The following HS3ST2 variants were observed in gnomAD, a reference collection of about 807,000 sequenced individuals.
HS3ST2 encodes heparan sulfate glucosamine 3-O-sulfotransferase 2.
In HS3ST2, 17 loss-of-function variants were observed where a neutral mutation model predicts 26.3. The ratio of observed to expected loss-of-function variants is 0.65; its 90% CI spans 0.44 to 0.97. The LOEUF (loss-of-function observed/expected upper bound fraction) is 0.97. Among genes scored for constraint, HS3ST2 ranks in the 50% least tolerant of loss-of-function variants. The pLI, the probability that HS3ST2 is intolerant of heterozygous loss-of-function variation, is 0.00. For synonymous variants in HS3ST2, 237 were observed against 219.2 expected (o/e 1.08, Z -0.72); for missense variants, 402 against 501.2 (o/e 0.80, Z 1.89).
chr16:22,898,231 A>C (rs1459409331), intron 1 of HS3ST2, among the ~76,000 whole-genome samples: 1 of 152,238 alleles, frequency 6.6e-6, no homozygotes, highest in African/African-American at 2.4e-5. Flanking sequence ...TTCACAGACT[A>C]ACTAGGGGGA....
At chr16:22,826,743 A>T (rs1473500364) in intron 1 of HS3ST2, among the ~76,000 whole-genome samples, 2 of 152,176 alleles carry the variant, frequency 1.3e-5, no homozygotes, top group Non-Finnish European at 2.9e-5. Flanking sequence ...CCCCTTTACT[A>T]AGCTTGCCAC....
intron 1 of HS3ST2, among the ~76,000 whole-genome samples, chr16:22,867,878 C>T (rs1901778733): frequency 6.6e-6 from 1 of 152,064 alleles, no homozygotes; most frequent in African/African-American, 2.4e-5. Flanking sequence ...TTTTATTTGA[C>T]TATTAAAAAA....
chr16:22,886,688 G>A lies in HS3ST2; in HGVS notation c.486-28256G>A, dbSNP rs139716493. Among the ~76,000 whole-genome samples, 339 of 152,172 alleles carry A rather than the reference G, an allele frequency of 2.2e-3. 2 individuals are homozygous for A. The highest frequency in any genetic ancestry group is 4.0e-3 in the Non-Finnish European group (272 of 68,004). ...AAACAAATTCAAGAACCCCAAAAGG[G>A]AGACATTTACTCTGTTTTCCTTTGC... On this transcript the variant is annotated intron_variant, in intron 1 of 1. Transcript: ENST00000261374.
In HS3ST2 at chr16:22,873,084, A is replaced by G. The variant is rs149148032; in HGVS notation, c.486-41860A>G. Among the ~76,000 whole-genome samples the G allele has an allele frequency of 1.6e-4, 25 of 152,362 alleles. 1 individual carries two copies. The East Asian group carries it at 4.6e-3, about 28-fold the overall frequency. On this transcript the variant is annotated intron_variant, in intron 1 of 1. Transcript: ENST00000261374. ...GTATTGGGCTAGAGTTGAGGATTAA[A>G]TTATTCACATAAAGCATCTAGAAAA... is the stretch of plus-strand genomic sequence containing the variant.
At chr16:22,907,308 C>T (rs1220596252) in intron 1 of HS3ST2, among the ~76,000 whole-genome samples, 3 of 152,174 alleles carry the variant, frequency 2.0e-5, no homozygotes, top group Non-Finnish European at 2.9e-5. Context: ...GAATACAGAC[C>T]TTATTCAAAA....
chr16:22,876,359 T>G (rs1567494319), intron 1 of HS3ST2, among the ~76,000 whole-genome samples: 1 of 152,142 alleles, frequency 6.6e-6, no homozygotes, highest in Admixed American at 6.6e-5. Context: ...ATTCTCATCA[T>G]CACTAATGAT....
chr16:22,874,544 G>A (rs1284479911), intron 1 of HS3ST2, among the ~76,000 whole-genome samples: 4 of 152,240 alleles, frequency 2.6e-5, no homozygotes, highest in Non-Finnish European at 4.4e-5. Context: ...ACCATAGGCA[G>A]TGAGCCCATA....
intron 1 of HS3ST2, among the ~76,000 whole-genome samples, chr16:22,896,294 A>G (rs1315468257): frequency 6.6e-6 from 1 of 152,150 alleles, no homozygotes; most frequent in African/African-American, 2.4e-5. Flanking sequence ...GCAGGATCTA[A>G]TGCTTTTCAA....
At chr16:22,888,384 T>TTC (rs10642035) in intron 1 of HS3ST2, among the ~76,000 whole-genome samples, 28,208 of 133,540 alleles carry the variant, frequency 0.21, 5,218 homozygotes, top group African/African-American at 0.48. Context: ...TTTTTTTTTT[T>TTC]TTTTTTTTCT....
At chr16:22,889,156 A>T (rs1370421080) in intron 1 of HS3ST2, among the ~76,000 whole-genome samples, 2 of 152,178 alleles carry the variant, frequency 1.3e-5, no homozygotes, top group African/African-American at 4.8e-5. Context: ...ACATGCAAAA[A>T]CTTGGACACA....
At chr16:22,846,422 T>C (rs1567486386) in intron 1 of HS3ST2, among the ~76,000 whole-genome samples, 1 of 152,218 alleles carries the variant, frequency 6.6e-6, no homozygotes, top group Non-Finnish European at 1.5e-5. Flanking sequence ...GTTATATTCC[T>C]GGTCTTATTT....
chr16:22,836,873 G>A (rs1269746758), intron 1 of HS3ST2, among the ~76,000 whole-genome samples: 1 of 151,982 alleles, frequency 6.6e-6, no homozygotes, highest in Non-Finnish European at 1.5e-5. Context: ...GGCCAGGCTA[G>A]TCTCAAACTC....
intron 1 of HS3ST2, among the ~76,000 whole-genome samples, chr16:22,866,237 T>G (rs1039632513): frequency 6.6e-6 from 1 of 152,082 alleles, no homozygotes; most frequent in South Asian, 2.1e-4. Context: ...TGTCTGCCTA[T>G]AAAACCAAAG....
At chr16:22,828,260 C>G (rs575649828) in intron 1 of HS3ST2, among the ~76,000 whole-genome samples, 2 of 152,276 alleles carry the variant, frequency 1.3e-5, no homozygotes, top group African/African-American at 4.8e-5. Flanking sequence ...ATACAGAGTT[C>G]TTAGGTAACC....
chr16:22,831,902 A>G (rs1293674235), intron 1 of HS3ST2, among the ~76,000 whole-genome samples: 1 of 152,222 alleles, frequency 6.6e-6, no homozygotes, highest in Admixed American at 6.5e-5. Flanking sequence ...ACATGTATCT[A>G]TACATGTGTT....
chr16:22,858,922 T>C (rs569886105), intron 1 of HS3ST2, among the ~76,000 whole-genome samples: 2 of 152,268 alleles, frequency 1.3e-5, no homozygotes, highest in African/African-American at 4.8e-5. Flanking sequence ...TCCCTGCACT[T>C]TGGGAGGCTG....
At chr16:22,838,486 T>G (rs1901304494) in intron 1 of HS3ST2, among the ~76,000 whole-genome samples, 1 of 152,060 alleles carries the variant, frequency 6.6e-6, no homozygotes, top group South Asian at 2.1e-4. Context: ...AACGGCCTCT[T>G]TGGCTGATTT....
rs145207909 is a variant in HS3ST2, at chr16:22,842,780, A to G, written c.485+27685A>G. Reference sequence around the variant, plus strand: ...CCTTCTCCCCAGCTTTCTTTCCTTTAGTCTCTCCGTGTTGAGCTACAGAAA... The same window carrying G: ...CCTTCTCCCCAGCTTTCTTTCCTTTGGTCTCTCCGTGTTGAGCTACAGAAA... On this transcript the variant is annotated intron_variant, in intron 1 of 1. Coordinates refer to ENST00000261374, the MANE Select transcript of HS3ST2 (RefSeq NM_006043.2). Among the ~76,000 whole-genome samples the G allele has an allele frequency of 9.2e-5, 14 of 152,022 alleles. No homozygotes were observed. The East Asian group carries it at 1.9e-3, about 21-fold the overall frequency.
chr16:22,818,601 C>T (rs1303734228), intron 1 of HS3ST2, among the ~76,000 whole-genome samples: 2 of 151,984 alleles, frequency 1.3e-5, no homozygotes, highest in African/African-American at 4.8e-5. Flanking sequence ...CCATACTTTC[C>T]TCTTTATTCC....
Sources: allele counts gnomAD v4.1 joint callset (sites outside exome capture counted in the v4.1 genomes callset), GRCh38; gene constraint gnomAD v4.1.1; transcripts MANE v1.5; gene names NCBI Gene and HGNC (gene_info 2026-07-23, HGNC 2026-07-21).